The following CACNA1D variants were observed in gnomAD, a reference collection of about 807,000 sequenced individuals.
CACNA1D encodes voltage-dependent L-type calcium channel subunit alpha-1D.
A neutral mutation model predicts 257.1 loss-of-function variants in CACNA1D; 55 were observed. The observed-to-expected ratio is 0.21, with a 90% CI of 0.17 to 0.27. The LOEUF (loss-of-function observed/expected upper bound fraction) is 0.27, where lower values mean the gene tolerates loss of function less well. Among genes scored for constraint, CACNA1D ranks in the 10% least tolerant of loss-of-function variants. The probability of loss-of-function intolerance (pLI) is 1.00; values close to 1 mark genes in which losing one functional copy is unlikely to be tolerated. For synonymous variants in CACNA1D, 980 were observed against 1,014.9 expected (o/e 0.97, Z 0.65); for missense variants, 1,876 against 2,784.0 (o/e 0.67, Z 7.34).
chr3:53,743,180 A>G (rs567266100), intron 22 of CACNA1D, 63 bp downstream of exon 22: 69 of 965,924 alleles, frequency 7.1e-5, no homozygotes, highest in Admixed American at 1.5e-4. Context: ...AGGGATTTTA[A>G]CATAATTGAT....
At chr3:53,735,581 G>A in intron 20 of CACNA1D, 78 bp downstream of exon 20, 3 of 1,527,460 alleles carry the variant, frequency 2.0e-6, no homozygotes, top group Non-Finnish European at 1.8e-6. Flanking sequence ...GATGGGAGCT[G>A]TGGAGGCCCT....
intron 3 of CACNA1D, among the ~76,000 whole-genome samples, chr3:53,615,893 C>T (rs1458865034): frequency 6.6e-6 from 1 of 152,200 alleles, no homozygotes; most frequent in African/African-American, 2.4e-5. Context: ...TTTTTTGACA[C>T]TGTATCGATA....
intron 46 of CACNA1D, chr3:53,809,435 A>G (rs931817967): frequency 8.0e-5 from 15 of 186,436 alleles, no homozygotes; most frequent in African/African-American, 3.5e-4. Context: ...GTTTACAGAC[A>G]GCGTTCCCCG....
chr3:53,677,138 G>A (rs766598085), intron 8 of CACNA1D, among the ~76,000 whole-genome samples: 11 of 152,178 alleles, frequency 7.2e-5, no homozygotes, highest in Non-Finnish European at 1.0e-4. Context: ...GGACCATGGG[G>A]GTCATGGGTG....
intron 3 of CACNA1D, among the ~76,000 whole-genome samples, chr3:53,622,434 T>G (rs2093706879): frequency 6.6e-6 from 1 of 152,188 alleles, no homozygotes; most frequent in African/African-American, 2.4e-5. Context: ...AGAAAAATAA[T>G]GCGGCCATTA....
intron 3 of CACNA1D, among the ~76,000 whole-genome samples, chr3:53,555,533 A>G (rs2092628678): frequency 6.7e-6 from 1 of 149,926 alleles, no homozygotes; most frequent in South Asian, 2.1e-4. Flanking sequence ...AGGCACATAT[A>G]AAAGAGAGAT....
rs1347082563 is a variant in CACNA1D, at chr3:53,703,768, C to T, written c.1390+958C>T. On this transcript the variant is annotated intron_variant, in intron 9 of 47. Transcript: ENST00000350061. Reference sequence around the variant, plus strand: ...CTTGGATGTTTTGCTCTCAGCAAGGCCTGTTGCTGGGTACAGGGGAAACCC... The same window carrying T: ...CTTGGATGTTTTGCTCTCAGCAAGGTCTGTTGCTGGGTACAGGGGAAACCC... Among the ~76,000 whole-genome samples, 3 of 152,152 alleles carry T rather than the reference C, an allele frequency of 2.0e-5. No individual in the cohort carries two copies. In the East Asian group the frequency reaches 5.8e-4, roughly 29 times the overall value.
chr3:53,730,623 C>A, intron 16 of CACNA1D, 67 bp downstream of exon 16: 1 of 1,197,098 alleles, frequency 8.4e-7, no homozygotes, highest in Non-Finnish European at 1.2e-6. Context: ...CAGTTGCAGC[C>A]TGCCAGGCTT....
At chr3:53,690,032 G>A (rs2094505483) in intron 8 of CACNA1D, among the ~76,000 whole-genome samples, 1 of 152,096 alleles carries the variant, frequency 6.6e-6, no homozygotes, top group Admixed American at 6.5e-5. Context: ...ACTTTGATGA[G>A]GTAAGTGTTC....
intron 28 of CACNA1D, among the ~76,000 whole-genome samples, chr3:53,753,335 A>G (rs957926318): frequency 3.3e-5 from 5 of 152,234 alleles, no homozygotes; most frequent in Non-Finnish European, 5.9e-5. Flanking sequence ...TATCCTGAGC[A>G]GAGGAAATGG....
At chr3:53,597,649 G>C (rs1416723036) in intron 3 of CACNA1D, among the ~76,000 whole-genome samples, 1 of 152,182 alleles carries the variant, frequency 6.6e-6, no homozygotes, top group East Asian at 1.9e-4. Context: ...CAGAGGGCTA[G>C]GGCTAGGCTG....
intron 28 of CACNA1D, 23 bp from the exon 29 acceptor site, chr3:53,753,548 CG>C (rs763649492): frequency 1.4e-6 from 2 of 1,447,122 alleles, no homozygotes; most frequent in East Asian, 2.3e-5. Flanking sequence ...GCTCTGAGAA[CG>C]GTCCCTCTGT....
rs2090298370 is a variant in CACNA1D, at chr3:53,495,341, G to A, written c.67+108G>A. 1.5e-6 allele frequency: 2 copies of A among 1,326,488 alleles called. No individual in the cohort carries two copies. The highest frequency in any genetic ancestry group is 2.5e-4 in the Middle Eastern group (1 of 3,952). The allele number at this position is 1,326,488 out of a possible 1,614,324, so 82.2% of individuals were successfully genotyped here. A position where few individuals can be genotyped will look rare whatever the true frequency, so the allele number is the denominator to read the frequency against. On this transcript the variant is annotated intron_variant, in intron 1 of 47. Transcript: ENST00000350061. This position sits in a 1 kb window ranked among gnomAD's most constrained non-coding sequence, Gnocchi z 5.1. Reference sequence around the variant, plus strand: ...TGGATGGGTTGAGGGGGTTGGAGAGGGTGCTGCCAGCTCGGTGTCGTCTAC... The same window carrying A: ...TGGATGGGTTGAGGGGGTTGGAGAGAGTGCTGCCAGCTCGGTGTCGTCTAC...
In CACNA1D at chr3:53,638,844, C is replaced by T. The variant is rs534768188; in HGVS notation, c.484-11935C>T. Among the ~76,000 whole-genome samples, 116 of 152,348 alleles carry T rather than the reference C, an allele frequency of 7.6e-4. 1 individual carries two copies. Among genetic ancestry groups the T allele is most frequent in the South Asian group, 2.5e-3 (12 of 4,830 alleles). On this transcript the variant is annotated intron_variant, in intron 3 of 47. Transcript: ENST00000350061. ...GCTGTGATTGGGTAGGGTGGCTCCA[C>T]CTCCCAGATGGGTCCTCGGTTTGCT...
At position 53,520,815 on chromosome 3, in the gene CACNA1D, A is replaced by G. The variant is rs142998338; in HGVS notation, c.483+19095A>G. On this transcript the variant is annotated intron_variant, in intron 3 of 47. Transcript: ENST00000350061. ...TAAGACTTCTTCATATATTCTGTATACCAGTTCCTTTTTGGATTTATGATT... is the reference window on the plus strand; with the variant it reads ...TAAGACTTCTTCATATATTCTGTATGCCAGTTCCTTTTTGGATTTATGATT... 1.5e-3 allele frequency among the ~76,000 whole-genome samples: 226 copies of G among 151,702 alleles called. 2 individuals are homozygous for G. Among genetic ancestry groups the G allele is most frequent in the African/African-American group, 5.0e-3 (207 of 41,426 alleles).
chr3:53,752,299 G>T (rs1012905853), intron 28 of CACNA1D, among the ~76,000 whole-genome samples: 1 of 152,162 alleles, frequency 6.6e-6, no homozygotes, highest in Non-Finnish European at 1.5e-5. Flanking sequence ...TAAATTCCCC[G>T]AGGCTTGATT....
intron 3 of CACNA1D, among the ~76,000 whole-genome samples, chr3:53,515,492 T>C (rs1449477927): frequency 1.3e-5 from 2 of 152,124 alleles, no homozygotes; most frequent in Non-Finnish European, 2.9e-5. Context: ...ACATTGCTGA[T>C]ATTTGACACA....
intron 5 of CACNA1D, 92 bp downstream of exon 5, chr3:53,660,367 C>T: frequency 7.9e-7 from 1 of 1,261,900 alleles, no homozygotes; most frequent in South Asian, 1.2e-5. Flanking sequence ...GTGAGTTGCT[C>T]TGTGCCAGCC....
At chr3:53,578,359 G>C (rs1405275873) in intron 3 of CACNA1D, among the ~76,000 whole-genome samples, 1 of 152,130 alleles carries the variant, frequency 6.6e-6, no homozygotes, top group Admixed American at 6.5e-5. Flanking sequence ...GAGTGGCCCA[G>C]CAGAGGTGAG....
Sources: allele counts gnomAD v4.1 joint callset (sites outside exome capture counted in the v4.1 genomes callset), GRCh38; gene constraint gnomAD v4.1.1; non-coding constraint Gnocchi (gnomAD v3.1); transcripts MANE v1.5; gene names NCBI Gene and HGNC (gene_info 2026-07-23, HGNC 2026-07-21).